Variants in PDE4D observed in about 807,000 individuals in gnomAD.
The protein encoded by PDE4D is phosphodiesterase 4D.
A neutral mutation model predicts 87.4 loss-of-function variants in PDE4D; 24 were observed. That is an observed-to-expected ratio of 0.27 (90% CI 0.20 to 0.39). The LOEUF (loss-of-function observed/expected upper bound fraction) is 0.39, where lower values mean the gene tolerates loss of function less well. Ranked by LOEUF, PDE4D falls within the 10% of genes least tolerant of loss-of-function variation. PDE4D has a pLI of 1.00. For synonymous variants in PDE4D, 384 were observed against 383.2 expected, an observed-to-expected ratio of 1.00 and a Z score of -0.02; for missense variants, 714 against 1,041.0, an observed-to-expected ratio of 0.69 and a Z score of 4.32.
chr5:60,018,336 G>A (rs536839134), intron 2 of PDE4D, among the ~76,000 whole-genome samples: 2 of 152,256 alleles, frequency 1.3e-5, no homozygotes, highest in African/African-American at 4.8e-5. Context: ...AAGAGCTCCT[G>A]AAGGAAGCAC....
intron 1 of PDE4D, among the ~76,000 whole-genome samples, chr5:60,324,037 T>C (rs115755856): frequency 6.6e-6 from 1 of 152,274 alleles, no homozygotes; most frequent in Middle Eastern, 3.4e-3. Context: ...CTATGAACGT[T>C]TGATTAAGTA....
intron 1 of PDE4D, among the ~76,000 whole-genome samples, chr5:59,557,920 G>A (rs1448541835): frequency 6.6e-6 from 1 of 152,118 alleles, no homozygotes; most frequent in Non-Finnish European, 1.5e-5. Context: ...TTTTCTGGTT[G>A]GAAAGGTCTA....
intron 1 of PDE4D, among the ~76,000 whole-genome samples, chr5:59,726,135 A>G (rs760571675): frequency 5.9e-5 from 9 of 152,128 alleles, no homozygotes; most frequent in Admixed American, 4.6e-4. Flanking sequence ...GTTCAATGCT[A>G]ACAAATATTA....
chr5:59,855,011 T>C (rs184143973), intron 1 of PDE4D, among the ~76,000 whole-genome samples: 9 of 152,226 alleles, frequency 5.9e-5, no homozygotes, highest in East Asian at 1.9e-4. Flanking sequence ...CTGGAGATTA[T>C]AGAGTTCAGA....
At chr5:59,138,925 G>A (rs1777513866) in intron 5 of PDE4D, among the ~76,000 whole-genome samples, 1 of 152,172 alleles carries the variant, frequency 6.6e-6, no homozygotes, top group Admixed American at 6.5e-5. Context: ...AAAGTATAGA[G>A]GAGGAATGCT....
At chr5:60,098,326 A>G (rs1775886451) in intron 2 of PDE4D, among the ~76,000 whole-genome samples, 1 of 152,010 alleles carries the variant, frequency 6.6e-6, no homozygotes, top group Admixed American at 6.6e-5. Context: ...TTATATAAAA[A>G]TGCAATTGGA....
intron 2 of PDE4D, among the ~76,000 whole-genome samples, chr5:60,044,226 T>G (rs952504256): frequency 1.1e-4 from 17 of 152,140 alleles, no homozygotes; most frequent in Non-Finnish European, 2.5e-4. Context: ...AATAAGATTA[T>G]TATATATTGT....
chr5:60,079,064 T>C (rs1468750278), intron 2 of PDE4D, among the ~76,000 whole-genome samples: 1 of 152,204 alleles, frequency 6.6e-6, no homozygotes, highest in Non-Finnish European at 1.5e-5. Context: ...TCCTGACTTT[T>C]TAATAATTGT....
At chr5:59,513,966 T>C (rs1345417151) in intron 1 of PDE4D, among the ~76,000 whole-genome samples, 1 of 152,180 alleles carries the variant, frequency 6.6e-6, no homozygotes, top group South Asian at 2.1e-4. Context: ...ATGAAAATGA[T>C]AGGCATATAC....
chr5:60,076,164 AT>A (rs1007575531), intron 2 of PDE4D, among the ~76,000 whole-genome samples: 113 of 129,598 alleles, frequency 8.7e-4, no homozygotes, highest in African/African-American at 2.0e-3. Flanking sequence ...TCTTTTTCGA[AT>A]TTTTTTTTTT....
At chr5:59,755,811 C>T (rs953848996) in intron 1 of PDE4D, among the ~76,000 whole-genome samples, 5 of 150,306 alleles carry the variant, frequency 3.3e-5, no homozygotes, top group African/African-American at 1.2e-4. Context: ...AAAAGGTCAA[C>T]AATACACACT....
intron 1 of PDE4D, among the ~76,000 whole-genome samples, chr5:59,728,569 G>T (rs1046841385): frequency 1.3e-5 from 2 of 152,000 alleles, no homozygotes; most frequent in Non-Finnish European, 2.9e-5. Flanking sequence ...CTCACTCTTG[G>T]TGTTACTGTG....
At chr5:59,922,967 G>C (rs1754835197) in intron 3 of PDE4D, among the ~76,000 whole-genome samples, 1 of 152,024 alleles carries the variant, frequency 6.6e-6, no homozygotes, top group Non-Finnish European at 1.5e-5. Flanking sequence ...TCAGCAAAAG[G>C]GTAGCCCACT....
intron 5 of PDE4D, among the ~76,000 whole-genome samples, chr5:59,090,372 G>GTGCC: frequency 6.6e-6 from 1 of 152,198 alleles, no homozygotes; most frequent in Non-Finnish European, 1.5e-5. Context: ...TCGCAGCTTT[G>GTGCC]TGCCTTGTCG....
At chr5:60,081,863 A>C (rs1316445302) in intron 2 of PDE4D, among the ~76,000 whole-genome samples, 1 of 152,184 alleles carries the variant, frequency 6.6e-6, no homozygotes, top group Non-Finnish European at 1.5e-5. Flanking sequence ...CTCAATGCAC[A>C]GGAAAGTGAC....
intron 5 of PDE4D, among the ~76,000 whole-genome samples, chr5:59,102,446 T>A (rs546637600): frequency 6.6e-6 from 1 of 152,162 alleles, no homozygotes; most frequent in Non-Finnish European, 1.5e-5. Context: ...CACCTTGGAC[T>A]TGATGAAATA....
chr5:59,190,579 C>G (rs985655643), intron 3 of PDE4D, among the ~76,000 whole-genome samples: 2 of 152,116 alleles, frequency 1.3e-5, no homozygotes, highest in Non-Finnish European at 2.9e-5. Context: ...ATTGGTATCA[C>G]TTCAAGTGAC....
chr5:59,073,720 T>G (rs1322498891), intron 5 of PDE4D, among the ~76,000 whole-genome samples: 2 of 152,192 alleles, frequency 1.3e-5, no homozygotes, highest in Admixed American at 6.5e-5. Context: ...GCCAATTTCA[T>G]AGCATTTCTC....
intron 1 of PDE4D, among the ~76,000 whole-genome samples, chr5:59,781,835 G>A (rs1012120424): frequency 1.4e-5 from 2 of 145,122 alleles, no homozygotes; most frequent in East Asian, 2.0e-4. Context: ...GATTTGTGGC[G>A]TATGCTGATT....
Sources: allele counts gnomAD v4.1 joint callset (sites outside exome capture counted in the v4.1 genomes callset), GRCh38; gene constraint gnomAD v4.1.1; transcripts MANE v1.5; gene names NCBI Gene and HGNC (gene_info 2026-07-23, HGNC 2026-07-21).